Variants in SPAG16 observed in about 807,000 individuals in gnomAD.
SPAG16 encodes the protein sperm-associated antigen 16 protein.
SPAG16 carries 86 observed loss-of-function variants against 80.4 expected under a neutral mutation model. That is an observed-to-expected ratio of 1.07 (90% CI 0.90 to 1.28). The LOEUF is 1.28. Ranked by LOEUF, SPAG16 falls within the 50% of genes most tolerant of loss-of-function variation. SPAG16 has a pLI of 0.00. For synonymous variants in SPAG16, 294 were observed against 265.9 expected, an observed-to-expected ratio of 1.11 and a Z score of -1.03; for missense variants, 870 against 765.3, an observed-to-expected ratio of 1.14 and a Z score of -1.61.
intron 10 of SPAG16, among the ~76,000 whole-genome samples, chr2:213,627,204 AG>A (rs2061991924): frequency 6.6e-6 from 1 of 152,202 alleles, no homozygotes; most frequent in Non-Finnish European, 1.5e-5. Context: ...ACTATTGAAG[AG>A]TCTGCAAGTG....
intron 10 of SPAG16, among the ~76,000 whole-genome samples, chr2:213,786,735 A>G (rs1183602499): frequency 1.3e-5 from 2 of 152,184 alleles, no homozygotes; most frequent in Non-Finnish European, 2.9e-5. Flanking sequence ...TGTGTTCAGC[A>G]TAGATTAATG....
At chr2:213,576,481 C>G (rs554396506) in intron 10 of SPAG16, among the ~76,000 whole-genome samples, 3 of 151,992 alleles carry the variant, frequency 2.0e-5, no homozygotes, top group African/African-American at 4.8e-5. Flanking sequence ...GGATATATAC[C>G]CAAAGGAATA....
chr2:213,987,446 C>A (rs2046068424), intron 12 of SPAG16, among the ~76,000 whole-genome samples: 1 of 152,046 alleles, frequency 6.6e-6, no homozygotes, highest in African/African-American at 2.4e-5. Context: ...GACTGATTTT[C>A]TGATAAATCA....
intron 1 of SPAG16, among the ~76,000 whole-genome samples, chr2:213,287,597 G>T (rs1439291907): frequency 6.6e-6 from 1 of 152,034 alleles, no homozygotes; most frequent in East Asian, 1.9e-4. Flanking sequence ...CCTCTCTCTG[G>T]GCATTCTAAT....
At chr2:213,504,068 TCTGGAA>T (rs2074862283) in intron 10 of SPAG16, among the ~76,000 whole-genome samples, 1 of 152,186 alleles carries the variant, frequency 6.6e-6, no homozygotes, top group African/African-American at 2.4e-5. Flanking sequence ...TTATTGCTGG[TCTGGAA>T]GTCTGATTGG....
At chr2:213,626,511 G>A (rs2061965314) in intron 10 of SPAG16, among the ~76,000 whole-genome samples, 1 of 151,998 alleles carries the variant, frequency 6.6e-6, no homozygotes. Flanking sequence ...TAGTTTAACA[G>A]TTGAACTCAA....
chr2:214,050,816 T>C (rs2049603381), intron 13 of SPAG16, among the ~76,000 whole-genome samples: 1 of 152,138 alleles, frequency 6.6e-6, no homozygotes, highest in South Asian at 2.1e-4. Context: ...GACTAAATTA[T>C]TTTCCTACCA....
chr2:214,327,366 G>A (rs1412423996), intron 15 of SPAG16, among the ~76,000 whole-genome samples: 1 of 152,184 alleles, frequency 6.6e-6, no homozygotes, highest in Non-Finnish European at 1.5e-5. Context: ...CTTTGGCCAA[G>A]TTACTTAACC....
rs142575469 is a variant in SPAG16 at position 213,396,956 on chromosome 2, A to C, written c.942+21837A>C. Among the ~76,000 whole-genome samples, 631 of 152,204 alleles carry C rather than the reference A, an allele frequency of 4.1e-3. 6 individuals are homozygous for C. The highest frequency in any genetic ancestry group is 7.1e-3 in the Non-Finnish European group (484 of 68,008). The stretch of plus-strand genomic sequence containing the variant: ...CAAACCCTTTCTTTGTACTCTATTG[A>C]ATTCAAGGTCAGTCAACAAAAAAGT... On this transcript the variant is annotated intron_variant, in intron 9 of 15. Transcript: ENST00000331683.
intron 15 of SPAG16, among the ~76,000 whole-genome samples, chr2:214,252,329 G>A (rs1409136297): frequency 6.6e-6 from 1 of 151,642 alleles, no homozygotes; most frequent in Admixed American, 6.6e-5. Flanking sequence ...AAGTTCTGGG[G>A]TACATGTGCA....
chr2:213,836,732 A>G (rs1325584531), intron 10 of SPAG16, among the ~76,000 whole-genome samples: 1 of 151,832 alleles, frequency 6.6e-6, no homozygotes, highest in Non-Finnish European at 1.5e-5. Flanking sequence ...CTGCCTCAGC[A>G]CCCACTGAGT....
At chr2:213,333,212 A>G (rs558567531) in intron 5 of SPAG16, among the ~76,000 whole-genome samples, 2 of 152,278 alleles carry the variant, frequency 1.3e-5, no homozygotes. Flanking sequence ...CTGTATACTA[A>G]CAGTGAATAA....
chr2:213,795,146 A>T (rs946936090), intron 10 of SPAG16, among the ~76,000 whole-genome samples: 2 of 152,188 alleles, frequency 1.3e-5, no homozygotes, highest in Non-Finnish European at 1.5e-5. Flanking sequence ...AAAGTGTAAG[A>T]AAGTTCTGTT....
intron 7 of SPAG16, among the ~76,000 whole-genome samples, chr2:213,361,253 G>A (rs542970572): frequency 2.0e-4 from 30 of 151,852 alleles, no homozygotes; most frequent in African/African-American, 6.3e-4. Context: ...TTGAATTAGA[G>A]CTCCATGACC....
intron 15 of SPAG16, among the ~76,000 whole-genome samples, chr2:214,361,155 TTCACGATG>T (rs1044115321): frequency 3.3e-5 from 5 of 151,888 alleles, no homozygotes; most frequent in Non-Finnish European, 7.4e-5. Flanking sequence ...GCATTTGCTA[TTCACGATG>T]TTCTCTCAGC....
chr2:213,880,250 G>A (rs1218910727), intron 11 of SPAG16, among the ~76,000 whole-genome samples: 1 of 152,080 alleles, frequency 6.6e-6, no homozygotes, highest in Non-Finnish European at 1.5e-5. Flanking sequence ...ATTTTTTCAT[G>A]TGTATTGGCT....
chr2:213,526,640 C>T (rs1316744919), intron 10 of SPAG16, among the ~76,000 whole-genome samples: 2 of 152,074 alleles, frequency 1.3e-5, no homozygotes, highest in Admixed American at 1.3e-4. Flanking sequence ...TATTTTGTTC[C>T]CTCTTGAATT....
At chr2:214,304,971 G>A (rs942058276) in intron 15 of SPAG16, among the ~76,000 whole-genome samples, 1 of 152,178 alleles carries the variant, frequency 6.6e-6, no homozygotes, top group African/African-American at 2.4e-5. Context: ...CACAATGGCT[G>A]AACTGTTTTA....
At chr2:213,879,609 T>G (rs1009408888) in intron 11 of SPAG16, among the ~76,000 whole-genome samples, 15 of 152,146 alleles carry the variant, frequency 9.9e-5, no homozygotes, top group African/African-American at 3.4e-4. Flanking sequence ...CAGAACAGGT[T>G]GTTTTTCAAA....
Sources: gnomAD v4.1 joint callset for allele counts (sites outside exome capture counted in the v4.1 genomes callset) on GRCh38, gnomAD v4.1.1 for gene constraint, MANE v1.5 for transcripts, NCBI Gene and HGNC (gene_info 2026-07-23, HGNC 2026-07-21) for gene names.